The following GRIN2A variants were observed in gnomAD, a reference collection of about 807,000 sequenced individuals.
GRIN2A encodes glutamate receptor ionotropic, NMDA 2A.
GRIN2A carries 22 observed loss-of-function variants against 113.4 expected under a neutral mutation model. That is an observed-to-expected ratio of 0.19 (90% confidence interval 0.14 to 0.28). The LOEUF is 0.28. GRIN2A is among the 10% of genes least tolerant of loss of function. The pLI is 1.00. For synonymous variants in GRIN2A, 827 were observed against 738.4 expected, an observed-to-expected ratio of 1.12 and a Z score of -1.94; for missense variants, 1,502 against 1,887.0, an observed-to-expected ratio of 0.80 and a Z score of 3.78.
intron 2 of GRIN2A, among the ~76,000 whole-genome samples, chr16:9,940,328 C>T (rs1335674664): frequency 6.6e-6 from 1 of 152,150 alleles, no homozygotes; most frequent in Non-Finnish European, 1.5e-5. Flanking sequence ...TTCTGGGCCC[C>T]TTCCAACATT....
chr16:10,174,942 C>T (rs1296902056), intron 2 of GRIN2A, among the ~76,000 whole-genome samples: 2 of 151,946 alleles, frequency 1.3e-5, no homozygotes, highest in African/African-American at 4.8e-5. Flanking sequence ...CAACAATGGA[C>T]CACAAGTACA....
chr16:9,815,036 A>G (rs1048112572), intron 10 of GRIN2A, among the ~76,000 whole-genome samples: 4 of 152,118 alleles, frequency 2.6e-5, no homozygotes, highest in African/African-American at 9.7e-5. Context: ...AAAAAAAAAA[A>G]AAAAGGTACA....
intron 2 of GRIN2A, among the ~76,000 whole-genome samples, chr16:10,104,557 C>G (rs1440679283): frequency 1.3e-5 from 2 of 152,194 alleles, no homozygotes; most frequent in African/African-American, 4.8e-5. Context: ...ATATGGAAAG[C>G]TTGCACGAGC....
intron 2 of GRIN2A, among the ~76,000 whole-genome samples, chr16:9,971,245 C>T (rs138357936): frequency 6.6e-6 from 1 of 152,310 alleles, no homozygotes; most frequent in East Asian, 1.9e-4. Context: ...TTCAGTAAAA[C>T]AGAAGCTTCC....
chr16:10,104,040 A>G (rs2048448349), intron 2 of GRIN2A, among the ~76,000 whole-genome samples: 1 of 152,224 alleles, frequency 6.6e-6, no homozygotes, highest in Non-Finnish European at 1.5e-5. Context: ...TAAAATACAG[A>G]ACTCACACAT....
At chr16:9,884,490 A>G (rs1198943359) in intron 4 of GRIN2A, among the ~76,000 whole-genome samples, 1 of 152,126 alleles carries the variant, frequency 6.6e-6, no homozygotes, top group African/African-American at 2.4e-5. Context: ...CAGAGGTTGC[A>G]GTGAGCCCAG....
intron 10 of GRIN2A, among the ~76,000 whole-genome samples, chr16:9,814,808 T>C (rs1442864452): frequency 6.6e-6 from 1 of 152,102 alleles, no homozygotes; most frequent in Non-Finnish European, 1.5e-5. Flanking sequence ...TCACCTGATG[T>C]CGGGAATTTG....
rs892277580 is a variant in GRIN2A at position 10,144,328 on chromosome 16, A to G, written c.414+35670T>C. The stretch of plus-strand genomic sequence containing the variant: ...TTGCCAACACTTGTTATCTTTGGTC[A>G]TTTTTATAATAGCCATCCTAACAGG... On this transcript the variant is annotated intron_variant, in intron 2 of 12. Transcript: ENST00000330684. Among the ~76,000 whole-genome samples, 9 of 152,164 alleles carry G rather than the reference A, an allele frequency of 5.9e-5. No homozygotes were observed. The South Asian group carries it at 1.0e-3, about 18-fold the overall frequency.
intron 2 of GRIN2A, among the ~76,000 whole-genome samples, chr16:10,096,559 C>CACACACAT (rs2048295007): frequency 6.6e-6 from 1 of 151,578 alleles, no homozygotes; most frequent in South Asian, 2.1e-4. Flanking sequence ...CACACACACA[C>CACACACAT]ACACACACAC....
chr16:10,071,926 G>C (rs913233752), intron 2 of GRIN2A, among the ~76,000 whole-genome samples: 2 of 152,206 alleles, frequency 1.3e-5, no homozygotes, highest in African/African-American at 4.8e-5. Context: ...GGAAATGGAG[G>C]CACAGAAAGG....
At chr16:10,088,798 G>A (rs1273254773) in intron 2 of GRIN2A, among the ~76,000 whole-genome samples, 2 of 152,178 alleles carry the variant, frequency 1.3e-5, no homozygotes, top group African/African-American at 4.8e-5. Context: ...CATCCCCATA[G>A]CCTTGTATTC....
intron 7 of GRIN2A, among the ~76,000 whole-genome samples, chr16:9,837,166 T>C (rs2042595574): frequency 6.6e-6 from 1 of 152,224 alleles, no homozygotes; most frequent in African/African-American, 2.4e-5. Context: ...TGGTTCATTA[T>C]GACTTTCAAA....
intron 10 of GRIN2A, among the ~76,000 whole-genome samples, chr16:9,810,075 A>G (rs1216757146): frequency 6.6e-6 from 1 of 152,200 alleles, no homozygotes; most frequent in African/African-American, 2.4e-5. Flanking sequence ...CTCAAAAAGA[A>G]AAACTTCCTG....
intron 3 of GRIN2A, among the ~76,000 whole-genome samples, chr16:9,935,163 T>C (rs779614181): frequency 2.6e-5 from 4 of 152,204 alleles, no homozygotes; most frequent in Non-Finnish European, 5.9e-5. Flanking sequence ...ATATTTCAAT[T>C]GCCCTAAAAT....
At chr16:9,829,741 C>G (rs902494650) in intron 8 of GRIN2A, 89 bp from the exon 9 acceptor site, 1 of 835,252 alleles carries the variant, frequency 1.2e-6, no homozygotes. Context: ...CCAGCAGCAC[C>G]GAAGGTTGCC....
intron 11 of GRIN2A, chr16:9,794,826 C>T (rs1902867480): frequency 6.6e-6 from 1 of 152,184 alleles, no homozygotes; most frequent in Non-Finnish European, 1.5e-5. Flanking sequence ...AAAGTTGTTT[C>T]TGTGTTACTA....
chr16:9,970,676 C>T (rs2045653414), intron 2 of GRIN2A: 1 of 499,030 alleles, frequency 2.0e-6, no homozygotes, highest in African/African-American at 2.1e-5. Context: ...TATTAAGGAT[C>T]TCTGATGAGC....
intron 2 of GRIN2A, among the ~76,000 whole-genome samples, chr16:10,113,614 TAGTA>T (rs2048669319): frequency 6.6e-6 from 1 of 152,340 alleles, no homozygotes; most frequent in East Asian, 1.9e-4. Context: ...GAGATTTTGA[TAGTA>T]AGTGAAACAT....
chr16:10,110,859 A>C (rs1278546768), intron 2 of GRIN2A, among the ~76,000 whole-genome samples: 1 of 152,232 alleles, frequency 6.6e-6, no homozygotes, highest in Non-Finnish European at 1.5e-5. Context: ...GTCACTTGTC[A>C]GAGGGCCGCC....
Sources: gnomAD v4.1 joint callset for allele counts (sites outside exome capture counted in the v4.1 genomes callset) on GRCh38, gnomAD v4.1.1 for gene constraint, MANE v1.5 for transcripts, NCBI Gene and HGNC (gene_info 2026-07-23, HGNC 2026-07-21) for gene names.